Variants in SSH2 observed in about 807,000 individuals in gnomAD.
SSH2 encodes slingshot protein phosphatase 2.
SSH2 carries 37 observed loss-of-function variants against 135.2 expected under a neutral mutation model. The observed-to-expected ratio is 0.27, with a 90% confidence interval of 0.21 to 0.36. SSH2 has a LOEUF of 0.36. Ranked by LOEUF, SSH2 falls within the 10% of genes least tolerant of loss-of-function variation. The pLI, the probability that SSH2 is intolerant of heterozygous loss-of-function variation, is 1.00. For synonymous variants in SSH2, 628 were observed against 646.2 expected (o/e 0.97, Z 0.43); for missense variants, 1,408 against 1,765.3 (o/e 0.80, Z 3.63).
intron 12 of SSH2, 91 bp downstream of exon 12, chr17:29,655,470 G>C: frequency 8.5e-7 from 1 of 1,172,120 alleles, no homozygotes; most frequent in Non-Finnish European, 1.3e-6. Flanking sequence ...TAAGATTAAA[G>C]TTACCCACTG....
At chr17:29,734,390 CTA>C (rs2040299073) in intron 3 of SSH2, among the ~76,000 whole-genome samples, 1 of 152,158 alleles carries the variant, frequency 6.6e-6, no homozygotes, top group Non-Finnish European at 1.5e-5. Context: ...AAATTCATAA[CTA>C]TGCGTGGTAG....
chr17:29,923,896 ACT>A (rs2067019529), intron 1 of SSH2, among the ~76,000 whole-genome samples: 1 of 152,086 alleles, frequency 6.6e-6, no homozygotes, highest in Non-Finnish European at 1.5e-5. Flanking sequence ...ACAGACTGAG[ACT>A]CTGTCTCAAA....
intron 3 of SSH2, chr17:29,777,793 GAA>G (rs3058633): frequency 0.067 from 6,101 of 91,514 alleles, 225 homozygotes; most frequent in African/African-American, 0.15. Context: ...CCCCAAACTA[GAA>G]AAAAAAAAAA....
intron 15 of SSH2, among the ~76,000 whole-genome samples, chr17:29,633,170 T>C (rs1778660979): frequency 6.6e-6 from 1 of 152,188 alleles, no homozygotes; most frequent in Non-Finnish European, 1.5e-5. Context: ...CTAAACTTTC[T>C]GTTCTGTTTA....
At position 29,779,492 on chromosome 17, in the gene SSH2, T is replaced by C. The variant is rs572612613; in HGVS notation, c.188+14402A>G. On this transcript the variant is annotated intron_variant, in intron 3 of 15. Coordinates refer to ENST00000540801, the MANE Select transcript of SSH2 (RefSeq NM_001282129.2). Reference sequence around the variant, plus strand: ...TAGTTCTCTATTCTGTACAGGAAAGTGTAACCCACATGGTGGGAGGTGCAC... The same window carrying C: ...TAGTTCTCTATTCTGTACAGGAAAGCGTAACCCACATGGTGGGAGGTGCAC... Among the ~76,000 whole-genome samples the C allele has an allele frequency of 9.8e-4, 149 of 152,050 alleles. 1 individual carries two copies. Among genetic ancestry groups the C allele is most frequent in the Admixed American group, 5.0e-3 (77 of 15,272 alleles).
intron 5 of SSH2, 55 bp from the exon 6 acceptor site, chr17:29,684,739 T>C (rs1053868761): frequency 9.0e-6 from 14 of 1,553,722 alleles, no homozygotes; most frequent in Non-Finnish European, 1.2e-5. Flanking sequence ...TAATTTCAGA[T>C]CATTTCAACC....
At chr17:29,725,000 T>G (rs973693089) in intron 3 of SSH2, among the ~76,000 whole-genome samples, 1 of 152,032 alleles carries the variant, frequency 6.6e-6, no homozygotes, top group Non-Finnish European at 1.5e-5. Context: ...TGAGAGCTTA[T>G]TATGTAGCAG....
At chr17:29,808,454 G>A (rs1389031360) in intron 2 of SSH2, among the ~76,000 whole-genome samples, 1 of 152,172 alleles carries the variant, frequency 6.6e-6, no homozygotes, top group Non-Finnish European at 1.5e-5. Context: ...TTGCAAAATA[G>A]ACCAGTAGAA....
chr17:29,665,142 C>G (rs2037219016), intron 11 of SSH2, among the ~76,000 whole-genome samples: 2 of 152,250 alleles, frequency 1.3e-5, no homozygotes, highest in Middle Eastern at 3.4e-3. Context: ...CTATAGATAA[C>G]ACAAAGATTC....
intron 1 of SSH2, among the ~76,000 whole-genome samples, chr17:29,862,012 A>T (rs922088572): frequency 2.0e-5 from 3 of 152,358 alleles, no homozygotes; most frequent in Middle Eastern, 6.8e-3. Flanking sequence ...CAAAAACTTA[A>T]TATCAGCCAC....
intron 1 of SSH2, among the ~76,000 whole-genome samples, chr17:29,899,911 A>G (rs1377937015): frequency 2.0e-5 from 3 of 152,150 alleles, no homozygotes; most frequent in African/African-American, 7.2e-5. Flanking sequence ...CCAAAACAGC[A>G]TGGTACTGGT....
intron 5 of SSH2, among the ~76,000 whole-genome samples, chr17:29,690,381 G>C (rs2038415732): frequency 6.6e-6 from 1 of 150,816 alleles, no homozygotes; most frequent in Non-Finnish European, 1.5e-5. Flanking sequence ...CTCCAGCCTG[G>C]GCAAAAGAGT....
Position 29,774,957 on chromosome 17 carries a change from C to G in SSH2, c.188+18937G>C, listed in dbSNP as rs1428931268. Among the ~76,000 whole-genome samples, 4 of 152,286 alleles carry G rather than the reference C, an allele frequency of 2.6e-5. No homozygotes were observed. In the East Asian group the frequency reaches 7.7e-4, roughly 29 times the overall value. On this transcript the variant is annotated intron_variant, in intron 3 of 15. Transcript: ENST00000540801. ...CCCCATTTGCTCGCAGTATCCTATA[C>G]TCGTTGTGCTCTCACTGCAGTTCCC...
chr17:29,688,346 C>G (rs1463206741), intron 5 of SSH2, among the ~76,000 whole-genome samples: 1 of 152,094 alleles, frequency 6.6e-6, no homozygotes, highest in Admixed American at 6.6e-5. Flanking sequence ...ATATCAAAAG[C>G]ATTTCAAATG....
At chr17:29,722,343 CAT>C (rs987955450) in intron 3 of SSH2, among the ~76,000 whole-genome samples, 43 of 150,488 alleles carry the variant, frequency 2.9e-4, no homozygotes, top group Non-Finnish European at 4.3e-4. Flanking sequence ...ATCCTTCACA[CAT>C]GTTATATGTC....
intron 13 of SSH2, among the ~76,000 whole-genome samples, chr17:29,650,161 A>C (rs2036532232): frequency 6.6e-6 from 1 of 152,256 alleles, no homozygotes; most frequent in Non-Finnish European, 1.5e-5. Context: ...AGAGCCAACT[A>C]ATTTAAGGAA....
chr17:29,796,099 ATGAGGTAC>A (rs1749900474), intron 2 of SSH2, among the ~76,000 whole-genome samples: 1 of 152,230 alleles, frequency 6.6e-6, no homozygotes, highest in Non-Finnish European at 1.5e-5. Context: ...CATATAAGTT[ATGAGGTAC>A]AATAACAAAA....
intron 2 of SSH2, among the ~76,000 whole-genome samples, chr17:29,829,197 C>G (rs1023869258): frequency 6.6e-6 from 1 of 152,170 alleles, no homozygotes; most frequent in Admixed American, 6.5e-5. Flanking sequence ...AGGCCTTAGT[C>G]GAAGTGCTCT....
intron 2 of SSH2, among the ~76,000 whole-genome samples, chr17:29,836,347 A>G (rs1322071491): frequency 6.6e-6 from 1 of 152,088 alleles, no homozygotes; most frequent in African/African-American, 2.4e-5. Context: ...ATATTCTGTA[A>G]TTGAATATTT....
Sources: gnomAD v4.1 joint callset for allele counts (sites outside exome capture counted in the v4.1 genomes callset) on GRCh38, gnomAD v4.1.1 for gene constraint, MANE v1.5 for transcripts, NCBI Gene and HGNC (gene_info 2026-07-23, HGNC 2026-07-21) for gene names.